The following TTC27 variants were observed in gnomAD, a reference collection of about 807,000 sequenced individuals.
TTC27 encodes the protein tetratricopeptide repeat protein 27.
In TTC27, 79 loss-of-function variants were observed where a neutral mutation model predicts 115.9. The observed-to-expected ratio is 0.68, with a 90% confidence interval of 0.57 to 0.82. TTC27 has a LOEUF of 0.82. Ranked by LOEUF, TTC27 falls within the 40% of genes least tolerant of loss-of-function variation. The pLI, the probability that TTC27 is intolerant of heterozygous loss-of-function variation, is 0.00. For synonymous variants in TTC27, 401 were observed against 356.0 expected (o/e 1.13, Z -1.42); for missense variants, 1,054 against 993.1 (o/e 1.06, Z -0.82).
At chr2:32,767,567 T>G (rs1248601868) in intron 13 of TTC27, among the ~76,000 whole-genome samples, 1 of 146,746 alleles carries the variant, frequency 6.8e-6, no homozygotes, top group Admixed American at 6.9e-5. Context: ...GTTCACGCCA[T>G]TCTCCTGCCT....
intron 16 of TTC27, among the ~76,000 whole-genome samples, chr2:32,805,238 T>A (rs1373438963): frequency 6.6e-6 from 1 of 152,178 alleles, no homozygotes; most frequent in Admixed American, 6.5e-5. Flanking sequence ...ATCATCCTCA[T>A]AGGGTTGCTG....
intron 13 of TTC27, among the ~76,000 whole-genome samples, chr2:32,777,105 G>A (rs1193922873): frequency 6.6e-6 from 1 of 152,188 alleles, no homozygotes; most frequent in Non-Finnish European, 1.5e-5. Context: ...TCCAGATTCT[G>A]AACCTCCTTT....
At chr2:32,807,878 C>G (rs886321319) in intron 16 of TTC27, among the ~76,000 whole-genome samples, 3 of 150,196 alleles carry the variant, frequency 2.0e-5, no homozygotes, top group African/African-American at 7.4e-5. Flanking sequence ...ACTTTCTTAC[C>G]TTTCTGGCCA....
intron 10 of TTC27, among the ~76,000 whole-genome samples, chr2:32,703,331 G>T (rs1667255888): frequency 6.6e-6 from 1 of 152,166 alleles, no homozygotes; most frequent in Non-Finnish European, 1.5e-5. Context: ...GCCAGGCGTG[G>T]TGGTGGGTGC....
intron 19 of TTC27, among the ~76,000 whole-genome samples, 180 bp downstream of exon 19, chr2:32,817,737 C>T (rs1671554371): frequency 6.6e-6 from 1 of 152,132 alleles, no homozygotes; most frequent in South Asian, 2.1e-4. Context: ...ATGGATAGAC[C>T]ACTCTAAATG....
rs115727392 is a variant in TTC27 at position 32,758,537 on chromosome 2, C to T, written c.1680+18C>T. On this transcript the variant is annotated intron_variant, in intron 13 of 19. Coordinates refer to ENST00000317907, the MANE Select transcript of TTC27 (RefSeq NM_017735.5). ...CCATGCAGGTTAGACAACTCATAACCCCCTGCTGCTCTCAGCGCTTGTGCT... is the reference window on the plus strand; with the variant it reads ...CCATGCAGGTTAGACAACTCATAACTCCCTGCTGCTCTCAGCGCTTGTGCT... 6.2e-7 allele frequency: 1 copy of T among 1,606,690 alleles called. No individual in the cohort carries two copies. The highest frequency in any genetic ancestry group is 8.5e-7 in the Non-Finnish European group (1 of 1,173,534).
chr2:32,663,595 G>A (rs184161461), intron 5 of TTC27, among the ~76,000 whole-genome samples: 4 of 152,254 alleles, frequency 2.6e-5, no homozygotes, highest in South Asian at 2.1e-4. Context: ...AGCTGGAGAC[G>A]GGAGCTGTTC....
At position 32,682,593 on chromosome 2, in the gene TTC27, T is replaced by C. The variant is rs569342136; in HGVS notation, c.1119+3671T>C. ...CTGCTCTAGCAGCAGCTTGGTGGCC[T>C]GGGACTAGGGTTGTGAACTATTGAG... On this transcript the variant is annotated intron_variant, in intron 9 of 19. Coordinates refer to ENST00000317907, the MANE Select transcript of TTC27 (RefSeq NM_017735.5). 3.9e-5 allele frequency among the ~76,000 whole-genome samples: 6 copies of C among 152,064 alleles called. No homozygotes were observed. In the South Asian group the frequency reaches 1.2e-3, roughly 32 times the overall value.
intron 4 of TTC27, among the ~76,000 whole-genome samples, chr2:32,643,401 G>A (rs769243233): frequency 4.9e-4 from 75 of 151,910 alleles, no homozygotes; most frequent in Non-Finnish European, 8.8e-4. Flanking sequence ...TGCCTCCTGG[G>A]TTCAAGTGAT....
intron 10 of TTC27, among the ~76,000 whole-genome samples, chr2:32,707,610 TA>T (rs908904871): frequency 2.6e-5 from 4 of 151,584 alleles, no homozygotes; most frequent in Non-Finnish European, 4.4e-5. Context: ...TTCCAAAGTT[TA>T]AAAAAAAACT....
At chr2:32,800,823 C>G (rs17012297) in intron 16 of TTC27, among the ~76,000 whole-genome samples, 31,250 of 152,098 alleles carry the variant, frequency 0.21, 4,933 homozygotes, top group African/African-American at 0.44. Context: ...AAATGTAGCT[C>G]CTCTCATCAT....
chr2:32,733,877 T>G lies in TTC27; in HGVS notation c.1283T>G (p.Leu428Arg). ...EDKTTSVLER[L>R]KIFYCCQVPP... is the part of the protein sequence containing the mutation. ...AAAACTACATCTGTATTGGAACGCC[T>G]GAAGATTTTCTATTGCTGTCAAGTA... Residue 428 changes from leucine (L) to arginine (R), a missense_variant, in exon 11 of 20, where the codon CTG becomes CGG. By Grantham distance (102) the Leu-to-Arg change is moderately radical. Coordinates refer to ENST00000317907, the MANE Select transcript of TTC27 (RefSeq NM_017735.5). 1 of 1,612,492 alleles carries G rather than the reference T, an allele frequency of 6.2e-7. No homozygotes were observed. Among genetic ancestry groups the G allele is most frequent in the Non-Finnish European group, 8.5e-7 (1 of 1,179,158 alleles).
intron 14 of TTC27, among the ~76,000 whole-genome samples, chr2:32,782,032 G>A (rs1186102179): frequency 1.3e-5 from 2 of 152,034 alleles, no homozygotes; most frequent in African/African-American, 4.8e-5. Flanking sequence ...GATGAAAAGT[G>A]GAACAAAGAG....
chr2:32,784,641 C>CTGA (rs1026988498), intron 15 of TTC27, among the ~76,000 whole-genome samples: 68 of 152,212 alleles, frequency 4.5e-4, no homozygotes, highest in African/African-American at 1.6e-3. Context: ...TAAGTGAATC[C>CTGA]TGAAGTGAAG....
chr2:32,709,000 G>A (rs1375710452), intron 10 of TTC27, among the ~76,000 whole-genome samples: 1 of 152,026 alleles, frequency 6.6e-6, no homozygotes, highest in Non-Finnish European at 1.5e-5. Flanking sequence ...TGACTGCATA[G>A]GGGGGTTGGC....
At chr2:32,670,586 A>G (rs1350020681) in intron 7 of TTC27, among the ~76,000 whole-genome samples, 1 of 152,004 alleles carries the variant, frequency 6.6e-6, no homozygotes, top group Non-Finnish European at 1.5e-5. Context: ...TATGTATGTA[A>G]GTCTTTGTGT....
intron 8 of TTC27, among the ~76,000 whole-genome samples, chr2:32,678,419 T>A (rs1425268512): frequency 1.3e-5 from 2 of 152,004 alleles, no homozygotes; most frequent in African/African-American, 2.4e-5. Flanking sequence ...ATTTATTTTT[T>A]AATTTTTTGT....
chr2:32,684,430 A>T (rs961578433), intron 9 of TTC27, among the ~76,000 whole-genome samples: 6 of 152,060 alleles, frequency 3.9e-5, no homozygotes, highest in Non-Finnish European at 7.4e-5. Context: ...TAATAAATTT[A>T]AAAAAACAAG....
At position 32,672,310 on chromosome 2, in the gene TTC27, A is replaced by G. The variant is rs770174228; in HGVS notation, c.978A>G (p.Ile326Met). ...ATGATGACACCATTCTGAATGACAT[A>G]AAGTTAGCAGATTGTGAACAGTTCC... Reference protein sequence around the residue: ...ELNDDTILNDIKLADCEQFQM... With the variant: ...ELNDDTILNDMKLADCEQFQM... Residue 326 changes from isoleucine to methionine, a missense_variant, in exon 8 of 20, where the codon ATA becomes ATG. Coordinates refer to ENST00000317907, the MANE Select transcript of TTC27 (RefSeq NM_017735.5). The G allele has an allele frequency of 6.1e-5, 99 of 1,613,824 alleles. No individual in the cohort carries two copies. Among genetic ancestry groups the G allele is most frequent in the Non-Finnish European group, 7.8e-5 (92 of 1,179,880 alleles).
Sources: allele counts gnomAD v4.1 joint callset (sites outside exome capture counted in the v4.1 genomes callset), GRCh38; gene constraint gnomAD v4.1.1; transcripts MANE v1.5; gene names NCBI Gene and HGNC (gene_info 2026-07-23, HGNC 2026-07-21).